The following CDH18 variants were observed in gnomAD, a reference collection of about 807,000 sequenced individuals.
CDH18 encodes cadherin-18.
CDH18 carries 31 observed loss-of-function variants against 67.9 expected under a neutral mutation model. The ratio of observed to expected loss-of-function variants is 0.46; its 90% CI spans 0.34 to 0.62. The LOEUF is 0.62. CDH18 is among the 20% of genes least tolerant of loss of function. The pLI is 0.01. For missense variants in CDH18, 890 were observed against 975.5 expected, an observed-to-expected ratio of 0.91 and a Z score of 1.17; for synonymous variants, 362 against 347.2, an observed-to-expected ratio of 1.04 and a Z score of -0.48.
chr5:19,630,475 GGTGTGTGTGT>G (rs143309350), intron 5 of CDH18, among the ~76,000 whole-genome samples: 1 of 150,170 alleles, frequency 6.7e-6, no homozygotes, highest in African/African-American at 2.4e-5. Flanking sequence ...GATCCATTGG[GGTGTGTGTGT>G]GTGTGTGTGT....
intron 3 of CDH18, among the ~76,000 whole-genome samples, chr5:19,763,492 A>G (rs1772642079): frequency 6.6e-6 from 1 of 152,212 alleles, no homozygotes; most frequent in African/African-American, 2.4e-5. Context: ...GGAAGAATCC[A>G]GGTACAGGAA....
intron 2 of CDH18, among the ~76,000 whole-genome samples, chr5:20,017,614 T>G (rs1259596110): frequency 6.6e-6 from 1 of 152,218 alleles, no homozygotes; most frequent in Non-Finnish European, 1.5e-5. Flanking sequence ...CTAAATCAAC[T>G]GACAAGTGTA....
intron 2 of CDH18, among the ~76,000 whole-genome samples, chr5:20,145,971 T>TA: frequency 6.6e-6 from 1 of 152,316 alleles, no homozygotes; most frequent in East Asian, 1.9e-4. Flanking sequence ...TATCATCCTC[T>TA]GAATGCTGCT....
At position 20,351,191 on chromosome 5, in the gene CDH18, T is replaced by TGTGTGTGTGTGTGC. The variant is rs1420969028; in HGVS notation, c.-579-95687_-579-95686insGCACACACACACAC. ...GTGTGTGTGTGTGTGTGTGTGTGTGTGCGTGTGTGTTATTGCTTATTTTGT... is the reference window on the plus strand; with the variant it reads ...GTGTGTGTGTGTGTGTGTGTGTGTGTGTGTGTGTGTGTGCGCGTGTGTGTTATTGCTTATTTTGT... On this transcript the variant is annotated intron_variant, in intron 1 of 14. Coordinates refer to the CDH18 transcript ENST00000507958. Among the ~76,000 whole-genome samples the TGTGTGTGTGTGTGC allele has an allele frequency of 7.1e-4, 105 of 148,762 alleles. No individual in the cohort carries two copies. In the East Asian group the frequency reaches 0.012, roughly 17 times the overall value.
intron 5 of CDH18, among the ~76,000 whole-genome samples, chr5:19,643,559 G>A (rs1176393403): frequency 6.6e-6 from 1 of 152,098 alleles, no homozygotes; most frequent in Non-Finnish European, 1.5e-5. Context: ...AGTATGCTAG[G>A]TGAAATAAGC....
chr5:19,732,828 G>A (rs1028817979), intron 4 of CDH18, among the ~76,000 whole-genome samples: 1 of 151,956 alleles, frequency 6.6e-6, no homozygotes, highest in Admixed American at 6.6e-5. Flanking sequence ...TTTTTTGTGT[G>A]AGAAGTTAAT....
At chr5:20,230,301 C>T (rs962995786) in intron 2 of CDH18, among the ~76,000 whole-genome samples, 1 of 152,120 alleles carries the variant, frequency 6.6e-6, no homozygotes, top group Admixed American at 6.5e-5. Flanking sequence ...TAAACTCCTG[C>T]AGGGCCTAGA....
At chr5:20,024,808 G>T (rs1738748571) in intron 2 of CDH18, among the ~76,000 whole-genome samples, 2 of 152,268 alleles carry the variant, frequency 1.3e-5, no homozygotes, top group South Asian at 2.1e-4. Flanking sequence ...CCAAAACATG[G>T]TGGGGGCTAA....
chr5:20,208,454 A>G (rs1470883657), intron 2 of CDH18, among the ~76,000 whole-genome samples: 6 of 152,096 alleles, frequency 3.9e-5, no homozygotes, highest in African/African-American at 1.4e-4. Flanking sequence ...CCATATCACA[A>G]CAATATACAA....
At chr5:20,200,433 G>A (rs1739358791) in intron 2 of CDH18, among the ~76,000 whole-genome samples, 1 of 152,138 alleles carries the variant, frequency 6.6e-6, no homozygotes, top group Non-Finnish European at 1.5e-5. Context: ...CAAGACTTTG[G>A]GAAGTCAAGG....
chr5:19,614,319 G>A (rs1398013265), intron 5 of CDH18, among the ~76,000 whole-genome samples: 1 of 150,876 alleles, frequency 6.6e-6, no homozygotes, highest in African/African-American at 2.4e-5. Context: ...ATAATTGAGG[G>A]AATTCAGAAA....
At chr5:19,714,515 T>C (rs1450098872) in intron 5 of CDH18, among the ~76,000 whole-genome samples, 2 of 151,902 alleles carry the variant, frequency 1.3e-5, no homozygotes, top group Non-Finnish European at 2.9e-5. Context: ...AGTGAGATTT[T>C]TTTTTTTTTT....
intron 1 of CDH18, among the ~76,000 whole-genome samples, chr5:20,548,262 GGTCATCTATGTA>G (rs1205442344): frequency 6.6e-6 from 1 of 150,612 alleles, no homozygotes; most frequent in Non-Finnish European, 1.5e-5. Context: ...AAAAATAAAA[GGTCATCTATGTA>G]GTCATTACTC....
intron 1 of CDH18, among the ~76,000 whole-genome samples, chr5:20,295,498 G>A (rs1385493983): frequency 6.6e-6 from 1 of 152,156 alleles, no homozygotes; most frequent in Non-Finnish European, 1.5e-5. Context: ...GGAGGCCGAG[G>A]AGGGTGGATC....
chr5:19,557,486 T>G (rs1019408506), intron 8 of CDH18, among the ~76,000 whole-genome samples: 1 of 151,986 alleles, frequency 6.6e-6, no homozygotes, highest in African/African-American at 2.4e-5. Flanking sequence ...GAGTAGCTAT[T>G]CTTATATCAG....
At chr5:19,648,554 A>G (rs1755119511) in intron 5 of CDH18, among the ~76,000 whole-genome samples, 2 of 152,264 alleles carry the variant, frequency 1.3e-5, no homozygotes, top group Admixed American at 1.3e-4. Context: ...TTTGAAACAA[A>G]TATCAGGGTC....
chr5:19,717,849 T>C (rs1456080298), intron 5 of CDH18, among the ~76,000 whole-genome samples: 1 of 152,112 alleles, frequency 6.6e-6, no homozygotes, highest in African/African-American at 2.4e-5. Context: ...ATGTATTTTA[T>C]ATTTTATCAT....
At chr5:19,586,218 T>C (rs1460160533) in intron 7 of CDH18, among the ~76,000 whole-genome samples, 2 of 152,198 alleles carry the variant, frequency 1.3e-5, no homozygotes, top group Non-Finnish European at 2.9e-5. Flanking sequence ...ACTTTTATTT[T>C]AAGTTCAGTG....
chr5:20,487,202 C>T (rs1248804231), intron 1 of CDH18, among the ~76,000 whole-genome samples: 3 of 152,006 alleles, frequency 2.0e-5, no homozygotes, highest in Admixed American at 6.6e-5. Flanking sequence ...CTTCCAGTGA[C>T]GTTAAGGGAT....
Sources: allele counts gnomAD v4.1 joint callset (sites outside exome capture counted in the v4.1 genomes callset), GRCh38; gene constraint gnomAD v4.1.1; transcripts MANE v1.5; gene names NCBI Gene and HGNC (gene_info 2026-07-23, HGNC 2026-07-21).